Variants in PCDHGA5 observed in about 807,000 individuals in gnomAD.
The protein encoded by PCDHGA5 is protocadherin gamma subfamily A, 5.
PCDHGA5 carries 36 observed loss-of-function variants against 56.7 expected under a neutral mutation model. That is an observed-to-expected ratio of 0.64 (90% CI 0.49 to 0.84). The LOEUF (loss-of-function observed/expected upper bound fraction) is 0.84. Ranked by LOEUF, PCDHGA5 falls within the 40% of genes least tolerant of loss-of-function variation. PCDHGA5 has a pLI of 0.00. For missense variants in PCDHGA5, 1,305 were observed against 1,201.5 expected (o/e 1.09, Z -1.27); for synonymous variants, 563 against 520.2 (o/e 1.08, Z -1.12).
At chr5:141,371,130 A>G (rs1055242827) in intron 1 of PCDHGA5, 3 of 1,614,014 alleles carry the variant, frequency 1.9e-6, no homozygotes, top group East Asian at 2.2e-5. Context: ...TACTCAGGAC[A>G]TGTACAGGGT....
chr5:141,415,966 C>G, intron 1 of PCDHGA5: 1 of 405,604 alleles, frequency 2.5e-6, no homozygotes, highest in Non-Finnish European at 4.0e-6. Flanking sequence ...AAACTCCAGC[C>G]CCTTAAGCAA....
intron 1 of PCDHGA5, chr5:141,383,303 C>A (rs1445366017): frequency 5.0e-6 from 8 of 1,613,892 alleles, no homozygotes; most frequent in Non-Finnish European, 6.8e-6. Flanking sequence ...AGATTCTTGA[C>A]GGAAGAAATA....
At chr5:141,483,084 CA>C (rs898059463) in intron 1 of PCDHGA5, among the ~76,000 whole-genome samples, 4 of 150,440 alleles carry the variant, frequency 2.7e-5, no homozygotes, top group Middle Eastern at 3.4e-3. Flanking sequence ...GACTCCATCT[CA>C]AAAAAAAAGT....
At position 141,431,496 on chromosome 5, in the gene PCDHGA5, A is replaced by C. The variant is rs1223687647; in HGVS notation, c.2422-63311A>C. On this transcript the variant is annotated intron_variant, in intron 1 of 3. Coordinates refer to ENST00000518069, the MANE Select transcript of PCDHGA5 (RefSeq NM_018918.3). This position sits in a 1 kb window ranked among gnomAD's most constrained non-coding sequence, Gnocchi z 4.8. ...AACGCACCAGCGTTTGCTCAGCCCGAGTACCGCGCGAGCGTTCCGGAGAAT... is the reference window on the plus strand; with the variant it reads ...AACGCACCAGCGTTTGCTCAGCCCGCGTACCGCGCGAGCGTTCCGGAGAAT... 5 of 1,614,020 alleles carry C rather than the reference A, an allele frequency of 3.1e-6. No individual in the cohort carries two copies. The South Asian group carries it at 4.4e-5, about 14-fold the overall frequency.
rs754711722 is a variant in PCDHGA5, at chr5:141,371,108, C to A, written c.2421+4357C>A. Reference sequence around the variant, plus strand: ...TAATTGTCGCAGATGCAAATGATAACCCCCCAGTATTTACTCAGGACATGT... The same window carrying A: ...TAATTGTCGCAGATGCAAATGATAAACCCCCAGTATTTACTCAGGACATGT... On this transcript the variant is annotated intron_variant, in intron 1 of 3. Coordinates refer to ENST00000518069, the MANE Select transcript of PCDHGA5 (RefSeq NM_018918.3). 12 of 1,613,642 alleles carry A rather than the reference C, an allele frequency of 7.4e-6. No individual in the cohort carries two copies. In the African/African-American group the frequency reaches 1.5e-4, roughly 20 times the overall value.
At chr5:141,393,082 TAGATCGGG>T in intron 1 of PCDHGA5, 1 of 1,613,652 alleles carries the variant, frequency 6.2e-7, no homozygotes, top group Non-Finnish European at 8.5e-7. Flanking sequence ...GCGGGCAGGA[TAGATCGGG>T]AGGAGCTCTG....
intron 1 of PCDHGA5, among the ~76,000 whole-genome samples, chr5:141,430,066 G>C (rs550834063): frequency 6.6e-6 from 1 of 151,984 alleles, no homozygotes; most frequent in Non-Finnish European, 1.5e-5. Flanking sequence ...TCATTTTTAG[G>C]TTTCCATAAT....
chr5:141,437,956 T>A (rs998689841), intron 1 of PCDHGA5, among the ~76,000 whole-genome samples: 6 of 152,178 alleles, frequency 3.9e-5, no homozygotes, highest in African/African-American at 1.4e-4. Context: ...CAGAATGGTC[T>A]TGATCTCTTG....
intron 1 of PCDHGA5, chr5:141,410,156 C>T: frequency 6.2e-7 from 1 of 1,613,514 alleles, no homozygotes; most frequent in Non-Finnish European, 8.5e-7. Context: ...CGGTGGACAG[C>T]CGCCACTCTC....
chr5:141,433,256 C>T, intron 1 of PCDHGA5: 2 of 1,385,666 alleles, frequency 1.4e-6, no homozygotes, highest in Non-Finnish European at 2.0e-6. Context: ...TGCAGCGGTA[C>T]GATCATAGCT....
intron 1 of PCDHGA5, chr5:141,414,260 A>G: frequency 6.2e-7 from 1 of 1,613,444 alleles, no homozygotes; most frequent in Non-Finnish European, 8.5e-7. Context: ...CCAGTGACTG[A>G]AGATTCACCT....
intron 1 of PCDHGA5, chr5:141,409,829 A>AGC (rs2095323181): frequency 6.2e-7 from 1 of 1,610,980 alleles, no homozygotes; most frequent in African/African-American, 1.3e-5. Context: ...GCCCACGCTC[A>AGC]GCGCCAACGT....
intron 1 of PCDHGA5, chr5:141,393,590 G>A: frequency 1.2e-6 from 2 of 1,613,896 alleles, no homozygotes; most frequent in South Asian, 2.2e-5. Flanking sequence ...CCCCAGGCAC[G>A]CGGCTGCTTA....
At chr5:141,492,560 G>T (rs2099742000) in intron 1 of PCDHGA5, among the ~76,000 whole-genome samples, 1 of 152,156 alleles carries the variant, frequency 6.6e-6, no homozygotes, top group Non-Finnish European at 1.5e-5. Context: ...CCTGGGGGGC[G>T]GCCTGAGCGA....
chr5:141,402,872 T>A, intron 1 of PCDHGA5: 1 of 1,455,372 alleles, frequency 6.9e-7, no homozygotes, highest in Non-Finnish European at 9.1e-7. Flanking sequence ...AAGATCACCA[T>A]ACTTTGCAGG....
chr5:141,389,284 C>A, intron 1 of PCDHGA5: 1 of 1,614,048 alleles, frequency 6.2e-7, no homozygotes, highest in Non-Finnish European at 8.5e-7. Flanking sequence ...CCGCCTGGAG[C>A]CTCTATTTCA....
chr5:141,461,072 A>G (rs555905734), intron 1 of PCDHGA5, among the ~76,000 whole-genome samples: 2 of 151,574 alleles, frequency 1.3e-5, no homozygotes, highest in Non-Finnish European at 2.9e-5. Flanking sequence ...ACATTTTTGC[A>G]ATTGTGAATT....
chr5:141,383,308 G>A, intron 1 of PCDHGA5: 1 of 1,613,976 alleles, frequency 6.2e-7, no homozygotes, highest in Non-Finnish European at 8.5e-7. Context: ...CTTGACGGAA[G>A]AAATAAATGT....
chr5:141,491,714 C>A lies in PCDHGA5; in HGVS notation c.2422-3093C>A, dbSNP rs1321811999. On this transcript the variant is annotated intron_variant, in intron 1 of 3. Transcript: ENST00000518069. The surrounding 1 kb of genome is among the most constrained non-coding windows in gnomAD (Gnocchi z 6.9). ...GAGCGGAGCCAGGTGAGGGGCTCGG[C>A]GCCGCCCCGGGCGACCCCTGGGGGC... 2 of 1,608,742 alleles carry A rather than the reference C, an allele frequency of 1.2e-6. No individual in the cohort carries two copies. The highest frequency in any genetic ancestry group is 1.7e-6 in the Non-Finnish European group (2 of 1,177,914).
Sources: gnomAD v4.1 joint callset for allele counts (sites outside exome capture counted in the v4.1 genomes callset) on GRCh38, gnomAD v4.1.1 for gene constraint, Gnocchi (gnomAD v3.1) non-coding constraint, MANE v1.5 for transcripts, NCBI Gene and HGNC (gene_info 2026-07-23, HGNC 2026-07-21) for gene names.